Variants in CNTNAP4 observed in about 807,000 individuals in gnomAD.
The protein encoded by CNTNAP4 is contactin-associated protein-like 4.
A neutral mutation model predicts 148.4 loss-of-function variants in CNTNAP4; 98 were observed. The observed-to-expected ratio is 0.66, with a 90% CI of 0.56 to 0.78. The LOEUF (loss-of-function observed/expected upper bound fraction) is 0.78. Ranked by LOEUF, CNTNAP4 falls within the 30% of genes least tolerant of loss-of-function variation. The pLI is 0.00. For missense variants in CNTNAP4, 1,935 were observed against 1,565.6 expected, an observed-to-expected ratio of 1.24 and a Z score of -3.98; for synonymous variants, 730 against 565.1, an observed-to-expected ratio of 1.29 and a Z score of -4.14.
At chr16:76,530,237 T>C (rs771100845) in intron 17 of CNTNAP4, among the ~76,000 whole-genome samples, 1 of 152,144 alleles carries the variant, frequency 6.6e-6, no homozygotes, top group Non-Finnish European at 1.5e-5. Flanking sequence ...GTTTTTTATA[T>C]GCTAAAATGT....
At chr16:76,479,921 A>C (rs2081753585) in intron 12 of CNTNAP4, among the ~76,000 whole-genome samples, 1 of 152,188 alleles carries the variant, frequency 6.6e-6, no homozygotes, top group Admixed American at 6.5e-5. Flanking sequence ...AAATTAATAA[A>C]CATGGAAATA....
chr16:76,333,276 C>T (rs574040852), intron 2 of CNTNAP4, among the ~76,000 whole-genome samples: 3 of 152,172 alleles, frequency 2.0e-5, no homozygotes, highest in African/African-American at 7.2e-5. Flanking sequence ...TGATGTGTCT[C>T]TTGTATGTAC....
chr16:76,469,346 A>G (rs970582338), intron 10 of CNTNAP4, among the ~76,000 whole-genome samples: 2 of 152,080 alleles, frequency 1.3e-5, no homozygotes, highest in South Asian at 4.2e-4. Flanking sequence ...CATAGTTACA[A>G]CCTTAACAGC....
intron 5 of CNTNAP4, 25 bp downstream of exon 5, chr16:76,448,240 A>C: frequency 4.0e-6 from 6 of 1,516,410 alleles, no homozygotes; most frequent in African/African-American, 1.4e-5. Flanking sequence ...TGAAGTGCTC[A>C]AAAATCTGAT....
At chr16:76,377,526 G>A (rs1189934575) in intron 3 of CNTNAP4, among the ~76,000 whole-genome samples, 1 of 152,144 alleles carries the variant, frequency 6.6e-6, no homozygotes, top group Non-Finnish European at 1.5e-5. Context: ...GAAGGTGTGG[G>A]CAGGGAAGTG....
chr16:76,413,855 TAAATGTCATTCAA>T (rs1468356840), intron 3 of CNTNAP4, among the ~76,000 whole-genome samples: 1 of 151,392 alleles, frequency 6.6e-6, no homozygotes, highest in East Asian at 1.9e-4. Context: ...GATACTAATG[TAAATGTCATTCAA>T]AAATTTCACT....
chr16:76,518,353 C>G (rs1229891086), intron 15 of CNTNAP4, among the ~76,000 whole-genome samples: 19 of 152,064 alleles, frequency 1.2e-4, no homozygotes, highest in Admixed American at 1.2e-3. Flanking sequence ...GTCTCGAACT[C>G]CTGACCTCAA....
chr16:76,443,937 C>T (rs2080139625), intron 4 of CNTNAP4, among the ~76,000 whole-genome samples: 1 of 152,016 alleles, frequency 6.6e-6, no homozygotes, highest in Non-Finnish European at 1.5e-5. Flanking sequence ...GATGTGAAAT[C>T]CAAACGTATG....
chr16:76,536,076 G>A (rs2084201442), intron 18 of CNTNAP4, among the ~76,000 whole-genome samples: 1 of 152,156 alleles, frequency 6.6e-6, no homozygotes, highest in Non-Finnish European at 1.5e-5. Flanking sequence ...GTATTATAAA[G>A]TGTTAGTTGC....
chr16:76,471,763 G>C (rs76985861), intron 10 of CNTNAP4, among the ~76,000 whole-genome samples: 3,826 of 152,246 alleles, frequency 0.025, 61 homozygotes, highest in Middle Eastern at 0.041. Context: ...AATACTGAAG[G>C]CATGGCCCTT....
chr16:76,357,496 T>C (rs2012840017), intron 3 of CNTNAP4, among the ~76,000 whole-genome samples: 1 of 152,192 alleles, frequency 6.6e-6, no homozygotes, highest in South Asian at 2.1e-4. Flanking sequence ...AGTAAAAACA[T>C]GGCGTCTATC....
intron 12 of CNTNAP4, 121 bp downstream of exon 12, chr16:76,479,659 C>G (rs28576107): frequency 3.1e-6 from 3 of 975,034 alleles, no homozygotes; most frequent in Non-Finnish European, 3.0e-6. Flanking sequence ...ATGTATTGTT[C>G]CTTAGAAAAA....
rs762500293 is a variant in CNTNAP4, at chr16:76,316,334, T to C, written c.86-79T>C. ...CTAGTTTTTGATGTTGTTGTTTTAC[T>C]TGTTGGTTGTTTTGTCTATTGATTC... On this transcript the variant is annotated intron_variant, in intron 1 of 23. Coordinates refer to ENST00000611870, the MANE Select transcript of CNTNAP4 (RefSeq NM_033401.5). 3.5e-6 allele frequency: 3 copies of C among 862,394 alleles called. No individual in the cohort carries two copies. In the African/African-American group the frequency reaches 5.0e-5, roughly 14 times the overall value. The allele number at this position is 862,394 out of a possible 1,614,324, so 53.4% of individuals were successfully genotyped here.
intron 15 of CNTNAP4, among the ~76,000 whole-genome samples, chr16:76,517,948 G>A (rs570092137): frequency 1.3e-5 from 2 of 152,020 alleles, no homozygotes; most frequent in Non-Finnish European, 2.9e-5. Flanking sequence ...AGTACTTATA[G>A]TCCTAGCATA....
At chr16:76,478,745 T>C (rs1392065407) in intron 11 of CNTNAP4, among the ~76,000 whole-genome samples, 2 of 152,132 alleles carry the variant, frequency 1.3e-5, no homozygotes, top group East Asian at 1.9e-4. Context: ...CTAAACACAC[T>C]GAAACCACTT....
intron 2 of CNTNAP4, among the ~76,000 whole-genome samples, chr16:76,324,394 A>C (rs541251659): frequency 7.2e-5 from 11 of 152,316 alleles, no homozygotes; most frequent in Admixed American, 2.0e-4. Context: ...TTAAGTAATC[A>C]AGGGTGTCTT....
At chr16:76,504,291 C>T (rs2082761138) in intron 15 of CNTNAP4, among the ~76,000 whole-genome samples, 1 of 151,644 alleles carries the variant, frequency 6.6e-6, no homozygotes, top group African/African-American at 2.4e-5. Context: ...AAAAATAGAC[C>T]CATGTATACA....
intron 13 of CNTNAP4, among the ~76,000 whole-genome samples, 163 bp from the exon 14 acceptor site, chr16:76,494,747 A>T (rs1051177698): frequency 1.3e-5 from 2 of 152,204 alleles, no homozygotes; most frequent in Non-Finnish European, 1.5e-5. Context: ...GTTCTTAAGG[A>T]AATGCCAGCA....
intron 3 of CNTNAP4, among the ~76,000 whole-genome samples, chr16:76,418,380 A>G (rs867967422): frequency 8.3e-6 from 1 of 121,174 alleles, no homozygotes; most frequent in East Asian, 2.3e-4. Flanking sequence ...AGAAATTTGT[A>G]TCTTCTTTTC....
Sources: allele counts gnomAD v4.1 joint callset (sites outside exome capture counted in the v4.1 genomes callset), GRCh38; gene constraint gnomAD v4.1.1; transcripts MANE v1.5; gene names NCBI Gene and HGNC (gene_info 2026-07-23, HGNC 2026-07-21).